MAPK10: variants seen among roughly 807,000 people sequenced by gnomAD.
The protein encoded by MAPK10 is mitogen-activated protein kinase 10.
In MAPK10, 25 loss-of-function variants were observed where a neutral mutation model predicts 59.3. The observed-to-expected ratio is 0.42, with a 90% CI of 0.31 to 0.59. MAPK10 has a LOEUF of 0.59. MAPK10 is among the 20% of genes least tolerant of loss of function. The probability of loss-of-function intolerance (pLI) is 0.15; values close to 1 mark genes in which losing one functional copy is unlikely to be tolerated. For synonymous variants in MAPK10, 190 were observed against 200.5 expected (o/e 0.95, Z 0.44); for missense variants, 351 against 568.9 (o/e 0.62, Z 3.90).
chr4:86,230,121 T>C (rs956679300), intron 2 of MAPK10, among the ~76,000 whole-genome samples: 1 of 152,166 alleles, frequency 6.6e-6, no homozygotes, highest in African/African-American at 2.4e-5. Context: ...GATCTGAAAA[T>C]AATCAATCAT....
intron 2 of MAPK10, among the ~76,000 whole-genome samples, chr4:86,342,483 T>C (rs554748802): frequency 3.1e-4 from 47 of 152,302 alleles, no homozygotes; most frequent in Non-Finnish European, 6.2e-4. Context: ...CAAAAGAACC[T>C]GGCAAACATT....
intron 4 of MAPK10, among the ~76,000 whole-genome samples, chr4:86,154,107 C>T (rs2067122033): frequency 6.6e-6 from 1 of 151,952 alleles, no homozygotes; most frequent in African/African-American, 2.4e-5. Context: ...TTTGCAGAAA[C>T]AAAATAAAAT....
At chr4:86,462,273 T>C (rs183712287) in intron 1 of MAPK10, among the ~76,000 whole-genome samples, 2 of 152,364 alleles carry the variant, frequency 1.3e-5, no homozygotes, top group Non-Finnish European at 2.9e-5. Flanking sequence ...AGAGGAGTCA[T>C]TGATTCACAT....
upstream of MAPK10, among the ~76,000 whole-genome samples, chr4:86,361,800 T>C (rs1211116737): frequency 3.3e-5 from 5 of 152,202 alleles, no homozygotes; most frequent in South Asian, 8.3e-4. Flanking sequence ...ACAAATACCA[T>C]ATAATCTCAC....
chr4:86,591,365 T>A lies in MAPK10; in HGVS notation c.-263+2545A>T, dbSNP rs116015203. On this transcript the variant is annotated intron_variant, in intron 1 of 4. Transcript: ENST00000502302. ...AAAGCTCTTGATTTTCATATGTTTT[T>A]TTATTATTATTATTATTGTTATTTT... is the stretch of plus-strand genomic sequence containing the variant. Among the ~76,000 whole-genome samples, 408 of 152,126 alleles carry A rather than the reference T, an allele frequency of 2.7e-3. 2 individuals are homozygous for A. The highest frequency in any genetic ancestry group is 8.5e-3 in the African/African-American group (352 of 41,514).
At chr4:86,491,531 T>C (rs1754453474) in intron 1 of MAPK10, among the ~76,000 whole-genome samples, 1 of 152,302 alleles carries the variant, frequency 6.6e-6, no homozygotes, top group East Asian at 1.9e-4. Flanking sequence ...TGAATCAAAA[T>C]ATCTGGTTTC....
rs190043826 is a variant in MAPK10 at position 86,401,399 on chromosome 4, C to T, written c.-121-46755G>A. ...CTTTTGCTGATTTGCACTTTAGATT[C>T]TTCGCTTCCATTGAAAAGCAATGTA... On this transcript the variant is annotated intron_variant, in intron 1 of 13. Transcript: ENST00000361569. Among the ~76,000 whole-genome samples the T allele has an allele frequency of 1.3e-4, 20 of 152,246 alleles. No individual in the cohort carries two copies. The East Asian group carries it at 3.9e-3, about 29-fold the overall frequency.
intron 7 of MAPK10, chr4:86,101,532 T>C: frequency 2.7e-6 from 1 of 371,766 alleles, no homozygotes; most frequent in East Asian, 5.0e-5. Flanking sequence ...TCAACATATA[T>C]ATCATTTCTA....
intron 9 of MAPK10, among the ~76,000 whole-genome samples, chr4:86,068,796 A>C (rs999294249): frequency 6.6e-6 from 1 of 152,112 alleles, no homozygotes; most frequent in Non-Finnish European, 1.5e-5. Flanking sequence ...TCAATGATTG[A>C]GATTCTCTTT....
intron 2 of MAPK10, among the ~76,000 whole-genome samples, chr4:86,215,599 T>C (rs1328427125): frequency 6.6e-6 from 1 of 152,196 alleles, no homozygotes; most frequent in Non-Finnish European, 1.5e-5. Context: ...CAGTGGCTCA[T>C]GCCTGTAATC....
intron 2 of MAPK10, among the ~76,000 whole-genome samples, chr4:86,235,877 G>A (rs1563412906): frequency 1.3e-5 from 2 of 152,168 alleles, no homozygotes; most frequent in Non-Finnish European, 2.9e-5. Context: ...CGCAAACTTA[G>A]TAGCTTCAAA....
At chr4:86,408,583 G>A (rs1000751693) in intron 1 of MAPK10, among the ~76,000 whole-genome samples, 1 of 152,090 alleles carries the variant, frequency 6.6e-6, no homozygotes, top group African/African-American at 2.4e-5. Flanking sequence ...ACTTTTTAGT[G>A]ATTGCCATTC....
intron 1 of MAPK10, among the ~76,000 whole-genome samples, chr4:86,469,902 T>C (rs1752523833): frequency 6.6e-6 from 1 of 152,214 alleles, no homozygotes; most frequent in East Asian, 1.9e-4. Flanking sequence ...TGACTGAGAA[T>C]TGCATAGGGC....
Position 86,372,564 on chromosome 4 carries a change from G to GAAAGAAAGGAAGGAAAAGAAAAGAAAAGA in MAPK10, c.-121-17921_-121-17920insTCTTTTCTTTTCTTTTCCTTCCTTTCTTT. Among the ~76,000 whole-genome samples, 15 of 78,714 alleles carry GAAAGAAAGGAAGGAAAAGAAAAGAAAAGA rather than the reference G, an allele frequency of 1.9e-4. 1 individual carries two copies. The highest frequency in any genetic ancestry group is 6.2e-4 in the African/African-American group (14 of 22,582). 51.6% of individuals were successfully genotyped at this position (78,714 alleles called of 152,430 possible). On this transcript the variant is annotated intron_variant, in intron 1 of 13. Transcript: ENST00000361569. ...AGAAAGAAAGAAAGAAAGAAAGAAA[G>GAAAGAAAGGAAGGAAAAGAAAAGAAAAGA]AAAGAAAAGAAAAGAAAAGAAAAGA... is the stretch of plus-strand genomic sequence containing the variant.
intron 2 of MAPK10, among the ~76,000 whole-genome samples, chr4:86,255,302 T>G (rs530038684): frequency 3.3e-5 from 5 of 152,290 alleles, no homozygotes; most frequent in Non-Finnish European, 7.4e-5. Flanking sequence ...CAGAAATGTA[T>G]ATCCCTGTGT....
At chr4:86,505,094 T>C (rs1755629109) in intron 1 of MAPK10, among the ~76,000 whole-genome samples, 1 of 152,126 alleles carries the variant, frequency 6.6e-6, no homozygotes. Context: ...CATCACATAA[T>C]TGTTTTGGTT....
chr4:86,259,163 A>G (rs1020147136), intron 2 of MAPK10, among the ~76,000 whole-genome samples: 1 of 152,054 alleles, frequency 6.6e-6, no homozygotes, highest in African/African-American at 2.4e-5. Flanking sequence ...ATGTTCCCCA[A>G]GTTTCCTTAC....
chr4:86,350,400 G>A (rs1358163230), intron 2 of MAPK10, among the ~76,000 whole-genome samples: 1 of 152,282 alleles, frequency 6.6e-6, no homozygotes, highest in South Asian at 2.1e-4. Flanking sequence ...ATTTTTAGTA[G>A]AGATGGGGTT....
Position 86,200,068 on chromosome 4 carries a change from A to G in MAPK10, c.-6-5661T>C, listed in dbSNP as rs191285446. Reference sequence around the variant, plus strand: ...AAAAACAAAACAAAAGGAGCAATTTACTCTGTAAATTTTAACCTGTGATGT... The same window carrying G: ...AAAAACAAAACAAAAGGAGCAATTTGCTCTGTAAATTTTAACCTGTGATGT... On this transcript the variant is annotated intron_variant, in intron 2 of 13. Coordinates refer to ENST00000641462, the MANE Select transcript of MAPK10 (RefSeq NM_138982.4). 1.7e-4 allele frequency among the ~76,000 whole-genome samples: 26 copies of G among 152,132 alleles called. 1 individual carries two copies. Among genetic ancestry groups the G allele is most frequent in the African/African-American group, 6.0e-4 (25 of 41,526 alleles).
Sources: gnomAD v4.1 joint callset for allele counts (sites outside exome capture counted in the v4.1 genomes callset) on GRCh38, gnomAD v4.1.1 for gene constraint, MANE v1.5 for transcripts, NCBI Gene and HGNC (gene_info 2026-07-23, HGNC 2026-07-21) for gene names.